Variants in CTNNA3 observed in about 807,000 individuals in gnomAD.
CTNNA3 encodes catenin alpha 3, also known as catenin alpha-3.
In CTNNA3, 76 loss-of-function variants were observed where a neutral mutation model predicts 95.7. The observed-to-expected ratio is 0.79, with a 90% CI of 0.66 to 0.96. The LOEUF is 0.96. Ranked by LOEUF, CTNNA3 falls within the 40% of genes least tolerant of loss-of-function variation. The pLI is 0.00. For missense variants in CTNNA3, 1,191 were observed against 1,089.8 expected (o/e 1.09, Z -1.31); for synonymous variants, 431 against 374.4 (o/e 1.15, Z -1.74).
chr10:66,106,074 G>A (rs111810545), intron 13 of CTNNA3, among the ~76,000 whole-genome samples: 4 of 152,124 alleles, frequency 2.6e-5, no homozygotes, highest in African/African-American at 9.6e-5. Flanking sequence ...GGGCGTGGTG[G>A]CACATGCCTG....
intron 11 of CTNNA3, among the ~76,000 whole-genome samples, chr10:66,505,994 C>T (rs1840435591): frequency 6.6e-6 from 1 of 152,082 alleles, no homozygotes; most frequent in Admixed American, 6.6e-5. Context: ...AGCATGGCAC[C>T]AGCACCTACT....
At chr10:65,944,854 G>GTCTGTCTACCTA (rs1554818822) in intron 17 of CTNNA3, among the ~76,000 whole-genome samples, 1 of 144,852 alleles carries the variant, frequency 6.9e-6, no homozygotes, top group Admixed American at 6.8e-5. Context: ...GAAAATATCT[G>GTCTGTCTACCTA]TCTATCTATC....
chr10:67,413,179 G>C (rs1163371558), intron 5 of CTNNA3, among the ~76,000 whole-genome samples: 2 of 151,976 alleles, frequency 1.3e-5, no homozygotes, highest in East Asian at 3.8e-4. Context: ...AAACAAAAAA[G>C]AGCAGGTGTC....
chr10:65,955,471 T>G (rs1271107794), intron 17 of CTNNA3, among the ~76,000 whole-genome samples: 1 of 152,196 alleles, frequency 6.6e-6, no homozygotes, highest in Non-Finnish European at 1.5e-5. Context: ...GCGCCAGTTT[T>G]CAAAGGGAAT....
At chr10:67,704,442 G>A (rs1166652749) in intron 1 of CTNNA3, among the ~76,000 whole-genome samples, 1 of 152,118 alleles carries the variant, frequency 6.6e-6, no homozygotes, top group Non-Finnish European at 1.5e-5. Context: ...TAGATCAATG[G>A]AACAGACCAG....
intron 6 of CTNNA3, among the ~76,000 whole-genome samples, chr10:67,211,803 A>G (rs1286363469): frequency 6.6e-6 from 1 of 152,142 alleles, no homozygotes; most frequent in Admixed American, 6.6e-5. Context: ...TGTTCAAGTT[A>G]TAACTCTTCT....
chr10:66,562,081 G>A (rs74961243), intron 10 of CTNNA3, among the ~76,000 whole-genome samples: 7,593 of 151,988 alleles, frequency 0.05, 244 homozygotes, highest in African/African-American at 0.075. Flanking sequence ...GAAAACCTAA[G>A]GCCTGGAGTT....
chr10:66,260,491 C>G (rs113232933), intron 13 of CTNNA3, among the ~76,000 whole-genome samples: 6 of 152,244 alleles, frequency 3.9e-5, no homozygotes, highest in Admixed American at 1.3e-4. Context: ...ACTGTGTACA[C>G]ATTAATAAAT....
At chr10:67,036,520 C>T (rs372421553) in intron 7 of CTNNA3, among the ~76,000 whole-genome samples, 3 of 151,922 alleles carry the variant, frequency 2.0e-5, no homozygotes, top group East Asian at 3.9e-4. Flanking sequence ...AAAACTTAGC[C>T]GGGCGTGGTG....
chr10:66,170,402 T>C (rs1038100577), intron 13 of CTNNA3, among the ~76,000 whole-genome samples: 1 of 151,966 alleles, frequency 6.6e-6, no homozygotes, highest in Admixed American at 6.6e-5. Flanking sequence ...TCTGAAAAAT[T>C]TGAAGTTTTA....
chr10:67,146,253 T>C (rs1213012296), intron 7 of CTNNA3, among the ~76,000 whole-genome samples: 8 of 152,216 alleles, frequency 5.3e-5, no homozygotes, highest in Non-Finnish European at 8.8e-5. Context: ...TCTCTGTGAA[T>C]TGCAACATTT....
At chr10:66,224,847 T>C (rs1365853037) in intron 13 of CTNNA3, among the ~76,000 whole-genome samples, 1 of 152,160 alleles carries the variant, frequency 6.6e-6, no homozygotes, top group East Asian at 1.9e-4. Flanking sequence ...ATTTAGTTTG[T>C]AACTGTGATT....
At chr10:66,390,827 T>C (rs1247170115) in intron 11 of CTNNA3, among the ~76,000 whole-genome samples, 1 of 152,158 alleles carries the variant, frequency 6.6e-6, no homozygotes, top group African/African-American at 2.4e-5. Context: ...AAGCAAAAAC[T>C]AGCTTGAGAA....
intron 1 of CTNNA3, among the ~76,000 whole-genome samples, chr10:67,650,235 C>T (rs888103188): frequency 9.9e-5 from 15 of 152,202 alleles, no homozygotes; most frequent in Non-Finnish European, 1.9e-4. Context: ...TTCACCAACA[C>T]ACTGGGCTTG....
chr10:66,070,750 G>A (rs759797851), intron 14 of CTNNA3, among the ~76,000 whole-genome samples: 20 of 152,050 alleles, frequency 1.3e-4, no homozygotes, highest in Non-Finnish European at 2.1e-4. Context: ...GACAGTAATT[G>A]CAACTGCTAT....
At chr10:66,184,414 A>G (rs2131865058) in intron 13 of CTNNA3, among the ~76,000 whole-genome samples, 1 of 152,334 alleles carries the variant, frequency 6.6e-6, no homozygotes, top group South Asian at 2.1e-4. Flanking sequence ...CTCTGAGGTA[A>G]TATAGGTATT....
chr10:66,308,851 A>G (rs768917201), intron 12 of CTNNA3, among the ~76,000 whole-genome samples: 2 of 152,150 alleles, frequency 1.3e-5, no homozygotes, highest in Admixed American at 1.3e-4. Context: ...AATCAGGGTG[A>G]CTTGAAGTTC....
chr10:66,969,884 A>G (rs1849625349), intron 7 of CTNNA3, among the ~76,000 whole-genome samples: 1 of 152,136 alleles, frequency 6.6e-6, no homozygotes, highest in Non-Finnish European at 1.5e-5. Context: ...TGTAACTCCT[A>G]TCAGAAACAT....
intron 9 of CTNNA3, among the ~76,000 whole-genome samples, chr10:66,729,208 A>G (rs1019773472): frequency 2.0e-5 from 3 of 152,238 alleles, no homozygotes; most frequent in African/African-American, 7.2e-5. Context: ...AAACAGCTCA[A>G]CATCACTGAT....
Sources: allele counts gnomAD v4.1 joint callset (sites outside exome capture counted in the v4.1 genomes callset), GRCh38; gene constraint gnomAD v4.1.1; transcripts MANE v1.5; gene names NCBI Gene and HGNC (gene_info 2026-07-23, HGNC 2026-07-21).